The following CAMTA1 variants were observed in gnomAD, a reference collection of about 807,000 sequenced individuals.
The protein encoded by CAMTA1 is calmodulin binding transcription activator 1.
Under a neutral mutation model 170.9 loss-of-function variants are expected in CAMTA1, and 27 were observed. The observed-to-expected ratio is 0.16, with a 90% CI of 0.12 to 0.22. The LOEUF is 0.22. Among genes scored for constraint, CAMTA1 ranks in the 10% least tolerant of loss-of-function variants. CAMTA1 has a pLI of 1.00. For missense variants in CAMTA1, 1,619 were observed against 2,217.2 expected (o/e 0.73, Z 5.42); for synonymous variants, 833 against 891.5 (o/e 0.93, Z 1.17).
At chr1:6,852,484 A>C (rs1259222912) in intron 3 of CAMTA1, among the ~76,000 whole-genome samples, 2 of 152,216 alleles carry the variant, frequency 1.3e-5, no homozygotes, top group Non-Finnish European at 2.9e-5. Context: ...GATATTTCTT[A>C]CCGACTGCTA....
chr1:7,749,224 T>TA (rs2096878148), intron 19 of CAMTA1, among the ~76,000 whole-genome samples: 1 of 152,204 alleles, frequency 6.6e-6, no homozygotes, highest in Non-Finnish European at 1.5e-5. Context: ...AGGGATTCTA[T>TA]CACCTTGTCA....
chr1:6,834,772 G>A (rs1426123453), intron 3 of CAMTA1, among the ~76,000 whole-genome samples: 1 of 152,130 alleles, frequency 6.6e-6, no homozygotes, highest in Non-Finnish European at 1.5e-5. Flanking sequence ...TGAGTAGCTG[G>A]GTCTATAGGC....
At chr1:6,940,642 A>G (rs959127675) in intron 3 of CAMTA1, among the ~76,000 whole-genome samples, 3 of 152,104 alleles carry the variant, frequency 2.0e-5, no homozygotes, top group Non-Finnish European at 2.9e-5. Context: ...AGCAGAAAAG[A>G]AGAAATGGGC....
intron 19 of CAMTA1, chr1:7,750,881 C>A: frequency 2.8e-6 from 1 of 357,282 alleles, no homozygotes. Flanking sequence ...TAAAATTTTA[C>A]TGTCGAAATC....
chr1:7,403,566 T>C (rs1475032294), intron 5 of CAMTA1, among the ~76,000 whole-genome samples: 1 of 151,792 alleles, frequency 6.6e-6, no homozygotes, highest in Admixed American at 6.6e-5. Flanking sequence ...AGTGAAGGGG[T>C]GAAGGGGAAG....
At chr1:7,651,257 G>A (rs1193054248) in intron 7 of CAMTA1, among the ~76,000 whole-genome samples, 1 of 152,192 alleles carries the variant, frequency 6.6e-6, no homozygotes, top group African/African-American at 2.4e-5. Flanking sequence ...AGATGGAGGA[G>A]GAGGACAGGG....
chr1:6,988,052 T>G (rs1330847561), intron 3 of CAMTA1, among the ~76,000 whole-genome samples: 1 of 152,174 alleles, frequency 6.6e-6, no homozygotes, highest in Non-Finnish European at 1.5e-5. Context: ...TTAAATAAAA[T>G]CAATAGACCT....
chr1:6,925,432 T>C (rs948924835), intron 3 of CAMTA1, among the ~76,000 whole-genome samples: 1 of 152,234 alleles, frequency 6.6e-6, no homozygotes, highest in Non-Finnish European at 1.5e-5. Flanking sequence ...TTGGGGGTCC[T>C]ACATTTTAGG....
chr1:7,599,710 TAGG>T (rs1349273215), intron 6 of CAMTA1, among the ~76,000 whole-genome samples: 1 of 152,342 alleles, frequency 6.6e-6, no homozygotes, highest in East Asian at 1.9e-4. Context: ...CAGTTGTGAA[TAGG>T]AGTTCATTCA....
At chr1:7,583,249 A>C (rs11120982) in intron 6 of CAMTA1, among the ~76,000 whole-genome samples, 3,579 of 152,076 alleles carry the variant, frequency 0.024, 121 homozygotes, top group African/African-American at 0.081. Flanking sequence ...GGGAGGAGCC[A>C]AGCAGAGGCC....
chr1:7,085,556 C>T (rs561629216), intron 3 of CAMTA1, among the ~76,000 whole-genome samples: 16 of 152,258 alleles, frequency 1.1e-4, no homozygotes, highest in African/African-American at 3.4e-4. Flanking sequence ...TTGCTGAGAA[C>T]GTTCCAGAAG....
chr1:7,423,373 G>A (rs1222822049), intron 5 of CAMTA1, among the ~76,000 whole-genome samples: 1 of 151,826 alleles, frequency 6.6e-6, no homozygotes, highest in African/African-American at 2.4e-5. Flanking sequence ...GGGAGGCTGA[G>A]GCAGGAGAAT....
intron 5 of CAMTA1, among the ~76,000 whole-genome samples, chr1:7,254,463 T>C (rs1667072444): frequency 6.6e-6 from 1 of 152,214 alleles, no homozygotes; most frequent in Non-Finnish European, 1.5e-5. Flanking sequence ...CGTCTGACTG[T>C]CATTTTCAGA....
At chr1:7,355,312 G>T (rs1156833943) in intron 5 of CAMTA1, among the ~76,000 whole-genome samples, 4 of 152,092 alleles carry the variant, frequency 2.6e-5, no homozygotes, top group Non-Finnish European at 5.9e-5. Context: ...TGGCCCGGAG[G>T]GGGTCAAGGC....
At chr1:7,502,496 C>T (rs1485636943) in intron 6 of CAMTA1, among the ~76,000 whole-genome samples, 1 of 152,172 alleles carries the variant, frequency 6.6e-6, no homozygotes, top group East Asian at 1.9e-4. Flanking sequence ...GGCAGGAGCT[C>T]AGCCACGTTC....
intron 5 of CAMTA1, among the ~76,000 whole-genome samples, chr1:7,452,137 GC>G (rs1223344380): frequency 6.6e-6 from 1 of 152,222 alleles, no homozygotes; most frequent in East Asian, 1.9e-4. Context: ...TCAAATTTCA[GC>G]ACCTCGAATG....
chr1:7,034,891 TA>T (rs1558002887), intron 3 of CAMTA1, among the ~76,000 whole-genome samples: 1 of 152,200 alleles, frequency 6.6e-6, no homozygotes, highest in African/African-American at 2.4e-5. Flanking sequence ...TACCTGCATC[TA>T]AAGAACCATA....
At chr1:7,743,715 G>A (rs146129075) in intron 16 of CAMTA1, among the ~76,000 whole-genome samples, 1 of 152,088 alleles carries the variant, frequency 6.6e-6, no homozygotes, top group Non-Finnish European at 1.5e-5. Context: ...CTGTGTTTCA[G>A]TTACCACTCC....
At chr1:7,509,293 C>T (rs970352272) in intron 6 of CAMTA1, among the ~76,000 whole-genome samples, 19 of 152,204 alleles carry the variant, frequency 1.2e-4, no homozygotes, top group Admixed American at 1.3e-4. Context: ...CCCATCCTCA[C>T]GCTAAAAATA....
Sources: allele counts gnomAD v4.1 joint callset (sites outside exome capture counted in the v4.1 genomes callset), GRCh38; gene constraint gnomAD v4.1.1; transcripts MANE v1.5; gene names NCBI Gene and HGNC (gene_info 2026-07-23, HGNC 2026-07-21).